TUT7: variants seen among roughly 807,000 people sequenced by gnomAD.
The protein encoded by TUT7 is terminal uridylyltransferase 7.
TUT7 carries 33 observed loss-of-function variants against 165.9 expected under a neutral mutation model. The ratio of observed to expected loss-of-function variants is 0.20; its 90% CI spans 0.15 to 0.27. TUT7 has a LOEUF of 0.27. Ranked by LOEUF, TUT7 falls within the 10% of genes least tolerant of loss-of-function variation. The probability of loss-of-function intolerance (pLI) is 1.00; values close to 1 mark genes in which losing one functional copy is unlikely to be tolerated. For synonymous variants in TUT7, 552 were observed against 608.1 expected, an observed-to-expected ratio of 0.91 and a Z score of 1.36; for missense variants, 1,338 against 1,762.3, an observed-to-expected ratio of 0.76 and a Z score of 4.31.
At chr9:86,340,253 AG>A in intron 7 of TUT7, 148 bp from the exon 8 acceptor site, 3 of 618,168 alleles carry the variant, frequency 4.9e-6, no homozygotes, top group Non-Finnish European at 8.4e-6. Flanking sequence ...TGACTTGAAA[AG>A]GAAAAAATAT....
Position 86,304,945 on chromosome 9 carries a change from T to C in TUT7, c.3889A>G (p.Thr1297Ala), listed in dbSNP as rs1398456206. Reference sequence around the variant, plus strand: ...ATAAAAGCCTTCATTATAAAATTTGTCACTAAAAAGAAGAGTAAGAACTCA... The same window carrying C: ...ATAAAAGCCTTCATTATAAAATTTGCCACTAAAAAGAAGAGTAAGAACTCA... ...NLGAGLSRKMTNFIMKAFING... is the reference protein window; with the variant it reads ...NLGAGLSRKMANFIMKAFING... The change falls in exon 24 of 27, where the codon ACA becomes GCA. Residue 1297 changes from threonine to alanine, a missense_variant and splice_region_variant. By Grantham distance (58) the Thr-to-Ala change is moderately conservative (BLOSUM62 0). This residue lies in a region of TUT7 where 157 missense variants were observed against 357.5 expected (regional missense o/e 0.44). Coordinates refer to ENST00000375963, the MANE Select transcript of TUT7 (RefSeq NM_024617.4). The C allele has an allele frequency of 6.2e-7, 1 of 1,600,070 alleles. No individual in the cohort carries two copies. The highest frequency in any genetic ancestry group is 8.5e-7 in the Non-Finnish European group (1 of 1,171,324).
intron 10 of TUT7, among the ~76,000 whole-genome samples, chr9:86,331,897 A>G (rs1178963353): frequency 6.6e-6 from 1 of 152,210 alleles, no homozygotes; most frequent in Admixed American, 6.5e-5. Context: ...AGAACTTAAC[A>G]AATTTACAAG....
At chr9:86,319,780 A>G (rs1829066936) in intron 14 of TUT7, 110 bp from the exon 15 acceptor site, 1 of 734,596 alleles carries the variant, frequency 1.4e-6, no homozygotes, top group Non-Finnish European at 2.2e-6. Flanking sequence ...TTAAATTTAA[A>G]AATTCCTAAA....
In TUT7 at chr9:86,309,229, C is replaced by CA; in HGVS notation, c.3642dup (p.Asp1215Ter). 2.5e-6 allele frequency: 4 copies of CA among 1,570,370 alleles called. No homozygotes were observed. The highest frequency in any genetic ancestry group is 1.1e-5 in the South Asian group (1 of 88,564). ...ATACGTACCAGTTCATCTATTTGAT[C>CA]AAAAAAATAAATATTCCAGCCATCA... On this transcript the variant is annotated frameshift_variant, in exon 21 of 27. Transcript: ENST00000375963. LOFTEE classifies it high-confidence loss of function.
intron 10 of TUT7, among the ~76,000 whole-genome samples, chr9:86,332,123 AG>A (rs907329882): frequency 2.0e-5 from 3 of 152,184 alleles, no homozygotes; most frequent in African/African-American, 7.2e-5. Context: ...TGCAGTGAAA[AG>A]GGAACACTTT....
chr9:86,288,832 G>T, intron 26 of TUT7, 88 bp from the exon 27 acceptor site: 6 of 1,043,056 alleles, frequency 5.8e-6, no homozygotes, highest in Non-Finnish European at 7.1e-6. Context: ...TTATTAAGTA[G>T]TCACAAAAAC....
intron 22 of TUT7, among the ~76,000 whole-genome samples, chr9:86,306,638 C>T (rs191235716): frequency 2.8e-4 from 43 of 152,078 alleles, no homozygotes; most frequent in Middle Eastern, 6.8e-3. Context: ...GAAACACTCT[C>T]TCTACTAAAA....
intron 11 of TUT7, among the ~76,000 whole-genome samples, chr9:86,327,933 C>G (rs1389940343): frequency 6.6e-6 from 1 of 152,198 alleles, no homozygotes; most frequent in East Asian, 1.9e-4. Flanking sequence ...TTTCCTTGTG[C>G]ATAAATTCCC....
rs749600068 is a variant in TUT7 at position 86,311,098 on chromosome 9, A to G, written c.3275-289T>C. ...CACACGTGTGCATGTGTGTATATGC[A>G]TGTGTATGTCGTTGTCACTAAGACA... On this transcript the variant is annotated intron_variant, in intron 17 of 26. Coordinates refer to ENST00000375963, the MANE Select transcript of TUT7 (RefSeq NM_024617.4). This position sits in a 1 kb window ranked among gnomAD's most constrained non-coding sequence, Gnocchi z 4.4. Among the ~76,000 whole-genome samples, 2 of 152,236 alleles carry G rather than the reference A, an allele frequency of 1.3e-5. No individual in the cohort carries two copies. The highest frequency in any genetic ancestry group is 2.9e-5 in the Non-Finnish European group (2 of 68,042).
chr9:86,314,899 G>A (rs1828556983), intron 17 of TUT7, among the ~76,000 whole-genome samples: 1 of 152,056 alleles, frequency 6.6e-6, no homozygotes, highest in Non-Finnish European at 1.5e-5. Context: ...TATGCACTTA[G>A]AAATGATTTC....
At chr9:86,314,284 G>A (rs1043801251) in intron 17 of TUT7, among the ~76,000 whole-genome samples, 32 of 151,942 alleles carry the variant, frequency 2.1e-4, no homozygotes, top group African/African-American at 7.5e-4. Flanking sequence ...TCAAAGTCTC[G>A]GATTTATTCA....
intron 5 of TUT7, among the ~76,000 whole-genome samples, chr9:86,344,046 G>A (rs934101570): frequency 6.6e-6 from 1 of 152,160 alleles, no homozygotes; most frequent in Non-Finnish European, 1.5e-5. Context: ...ATAATAAAAT[G>A]AGATTATTTT....
intron 10 of TUT7, among the ~76,000 whole-genome samples, chr9:86,336,619 C>A (rs1830803156): frequency 6.6e-6 from 1 of 152,150 alleles, no homozygotes; most frequent in Non-Finnish European, 1.5e-5. Context: ...ATGAGAGAAA[C>A]TTGTGTGCAT....
Position 86,325,277 on chromosome 9 carries a change from A to G in TUT7, c.1789+57T>C, listed in dbSNP as rs188212552. 1.6e-4 allele frequency: 247 copies of G among 1,531,808 alleles called. 2 individuals are homozygous for G. In the Admixed American group the frequency reaches 2.1e-3, roughly 13 times the overall value. The allele number at this position is 1,531,808 out of a possible 1,614,324, so 94.9% of individuals were successfully genotyped here. A position where few individuals can be genotyped will look rare whatever the true frequency, so the allele number is the denominator to read the frequency against. ...AGACTGAAATAAAAAGCATGCTGTT[A>G]GACTGGTACCTTTAAAAAAAAGAGT... On this transcript the variant is annotated intron_variant, in intron 12 of 26. Coordinates refer to ENST00000375963, the MANE Select transcript of TUT7 (RefSeq NM_024617.4).
intron 26 of TUT7, among the ~76,000 whole-genome samples, chr9:86,300,134 A>G (rs1388431810): frequency 6.6e-6 from 1 of 152,250 alleles, no homozygotes; most frequent in Non-Finnish European, 1.5e-5. Flanking sequence ...CCATGTGAGC[A>G]GCTAAAGCTG....
chr9:86,310,033 TAAC>T lies in TUT7; in HGVS notation c.3379-19_3379-17del. 1 of 1,598,394 alleles carries T rather than the reference TAAC, an allele frequency of 6.3e-7. No homozygotes were observed. Among genetic ancestry groups the T allele is most frequent in the Non-Finnish European group, 8.6e-7 (1 of 1,167,854 alleles). ...TATGAAGGGCCTGTTAAAAGGAAAA[TAAC>T]ACTATAAGACTAACAATGAAGTGTA... is the stretch of plus-strand genomic sequence containing the variant. On this transcript the variant is annotated splice_polypyrimidine_tract_variant and intron_variant, in intron 18 of 26. Coordinates refer to ENST00000375963, the MANE Select transcript of TUT7 (RefSeq NM_024617.4).
At chr9:86,293,509 C>T (rs1763796936) in intron 26 of TUT7, among the ~76,000 whole-genome samples, 2 of 151,922 alleles carry the variant, frequency 1.3e-5, no homozygotes, top group Admixed American at 1.3e-4. Flanking sequence ...TGGTAAAGTT[C>T]AATGGTAATA....
chr9:86,317,112 G>A (rs1412798672), intron 17 of TUT7, 107 bp downstream of exon 17: 2 of 883,242 alleles, frequency 2.3e-6, no homozygotes, highest in East Asian at 2.4e-5. Context: ...AGGGTTGAGG[G>A]GTGATGGGTG....
chr9:86,301,734 A>C, intron 25 of TUT7, 133 bp from the exon 26 acceptor site: 2 of 1,467,088 alleles, frequency 1.4e-6, no homozygotes, highest in Non-Finnish European at 1.8e-6. Flanking sequence ...AAGGAAAAGC[A>C]AGAACCTAAA....
Sources: gnomAD v4.1 joint callset for allele counts (sites outside exome capture counted in the v4.1 genomes callset) on GRCh38, gnomAD v4.1.1 for gene constraint, gnomAD v4.1.1 regional missense constraint, Gnocchi (gnomAD v3.1) non-coding constraint, MANE v1.5 for transcripts, NCBI Gene and HGNC (gene_info 2026-07-23, HGNC 2026-07-21) for gene names.